Variants in SYN2 observed in about 807,000 individuals in gnomAD.
The protein encoded by SYN2 is synapsin II.
SYN2 carries 19 observed loss-of-function variants against 50.9 expected under a neutral mutation model. That is an observed-to-expected ratio of 0.37 (90% CI 0.26 to 0.55). The LOEUF (loss-of-function observed/expected upper bound fraction) is 0.55. Among genes scored for constraint, SYN2 ranks in the 20% least tolerant of loss-of-function variants. The probability of loss-of-function intolerance (pLI) is 0.81; values close to 1 mark genes in which losing one functional copy is unlikely to be tolerated. For missense variants in SYN2, 587 were observed against 576.4 expected (o/e 1.02, Z -0.19); for synonymous variants, 255 against 224.9 (o/e 1.13, Z -1.20).
At chr3:12,060,273 G>GA (rs1169388419) in intron 1 of SYN2, among the ~76,000 whole-genome samples, 1 of 152,114 alleles carries the variant, frequency 6.6e-6, no homozygotes, top group African/African-American at 2.4e-5. Flanking sequence ...GTAGAGCCAA[G>GA]AAAAATCTCA....
At chr3:12,185,733 G>A (rs563579681) in intron 11 of SYN2, 5 of 985,856 alleles carry the variant, frequency 5.1e-6, no homozygotes, top group Admixed American at 6.1e-5. Context: ...TCTGTCTTCA[G>A]TGTTAAGTTG....
intron 1 of SYN2, among the ~76,000 whole-genome samples, chr3:12,125,135 C>T (rs1426354141): frequency 6.6e-6 from 1 of 152,090 alleles, no homozygotes; most frequent in African/African-American, 2.4e-5. Context: ...CTGCCTCAGC[C>T]TCCCAAGTAG....
intron 1 of SYN2, among the ~76,000 whole-genome samples, chr3:12,114,529 AT>A (rs1485129160): frequency 6.6e-6 from 1 of 151,220 alleles, no homozygotes; most frequent in Admixed American, 6.6e-5. Flanking sequence ...GATCATGAAG[AT>A]TTATCTCTAT....
At chr3:12,151,695 T>C (rs1241497798) in intron 5 of SYN2, among the ~76,000 whole-genome samples, 1 of 152,204 alleles carries the variant, frequency 6.6e-6, no homozygotes, top group Admixed American at 6.5e-5. Flanking sequence ...AGTGGGCATA[T>C]TTATCCCTGC....
intron 4 of SYN2, among the ~76,000 whole-genome samples, chr3:12,149,863 T>TG (rs1312160614): frequency 3.9e-5 from 6 of 152,270 alleles, no homozygotes; most frequent in African/African-American, 1.4e-4. Context: ...TAGCAGAGTT[T>TG]GGGAGGAAAT....
chr3:12,136,132 G>A (rs1206327390), intron 1 of SYN2, among the ~76,000 whole-genome samples: 1 of 152,108 alleles, frequency 6.6e-6, no homozygotes, highest in Non-Finnish European at 1.5e-5. Context: ...GACAATAAAT[G>A]TGATGAAAGT....
chr3:12,169,427 C>T (rs1697884316), intron 9 of SYN2, among the ~76,000 whole-genome samples: 1 of 152,198 alleles, frequency 6.6e-6, no homozygotes, highest in Non-Finnish European at 1.5e-5. Context: ...TTCACATCTA[C>T]GTGCTCCCCT....
At chr3:12,189,111 G>A (rs1698399991) in intron 12 of SYN2, among the ~76,000 whole-genome samples, 1 of 152,192 alleles carries the variant, frequency 6.6e-6, no homozygotes, top group African/African-American at 2.4e-5. Context: ...TCTGTAGAAG[G>A]GAGTTTCTCC....
chr3:12,060,456 G>GGGAAGGGGAAAGAAACT (rs1158259862), intron 1 of SYN2, among the ~76,000 whole-genome samples: 4 of 152,106 alleles, frequency 2.6e-5, no homozygotes, highest in Non-Finnish European at 5.9e-5. Context: ...TCACCTAAGG[G>GGGAAGGGGAAAGAAACT]GGAAGGGGAA....
chr3:12,118,057 G>A (rs377070514), intron 1 of SYN2, among the ~76,000 whole-genome samples: 2 of 152,166 alleles, frequency 1.3e-5, no homozygotes, highest in East Asian at 1.9e-4. Context: ...TGTGCAGTGC[G>A]AAGTAGCATG....
At chr3:12,025,084 G>A (rs977687676) in intron 1 of SYN2, among the ~76,000 whole-genome samples, 1 of 152,156 alleles carries the variant, frequency 6.6e-6, no homozygotes, top group Non-Finnish European at 1.5e-5. Context: ...CTTGTAGACG[G>A]CACCTTCTTG....
At chr3:12,120,988 A>G (rs1403059070) in intron 1 of SYN2, among the ~76,000 whole-genome samples, 1 of 152,172 alleles carries the variant, frequency 6.6e-6, no homozygotes, top group African/African-American at 2.4e-5. Context: ...TTTTAGTCTC[A>G]TCGGCCATCA....
intron 5 of SYN2, chr3:12,156,829 G>C (rs761886594): frequency 1.9e-6 from 3 of 1,613,810 alleles, no homozygotes; most frequent in Non-Finnish European, 2.5e-6. Flanking sequence ...CCAGTCAAGA[G>C]ATACTGCTTC....
At chr3:12,013,314 T>C (rs1443513198) in intron 1 of SYN2, among the ~76,000 whole-genome samples, 1 of 152,172 alleles carries the variant, frequency 6.6e-6, no homozygotes, top group Non-Finnish European at 1.5e-5. Flanking sequence ...CTTTTCACTC[T>C]TCTTGTTCTT....
rs757585593 is a variant in SYN2 at position 12,004,529 on chromosome 3, G to A, written c.-23G>A. 1 of 587,246 alleles carries A rather than the reference G, an allele frequency of 1.7e-6. No individual in the cohort carries two copies. The highest frequency in any genetic ancestry group is 3.2e-6 in the Non-Finnish European group (1 of 316,098). The allele number at this position is 587,246 out of a possible 1,614,324, so 36.4% of individuals were successfully genotyped here. On this transcript the variant is annotated 5_prime_UTR_variant, in exon 1 of 13. Coordinates refer to ENST00000621198, the MANE Select transcript of SYN2 (RefSeq NM_133625.6). ...GCGCCACCAGACCCCGTAGCCCCGC[G>A]CGCCCCCAGCCCTTTAAGCCAGATG...
At chr3:12,022,188 T>G (rs996509429) in intron 1 of SYN2, among the ~76,000 whole-genome samples, 1 of 152,154 alleles carries the variant, frequency 6.6e-6, no homozygotes, top group African/African-American at 2.4e-5. Context: ...AGGCCATGCT[T>G]TATTCTTTGC....
rs377214691 is a variant in SYN2 at position 12,145,671 on chromosome 3, C to T, written c.528-8C>T. 5.0e-6 allele frequency: 8 copies of T among 1,613,174 alleles called. No homozygotes were observed. The highest frequency in any genetic ancestry group is 6.8e-6 in the Non-Finnish European group (8 of 1,179,362). The stretch of plus-strand genomic sequence containing the variant: ...TTAATGGCAAACCTGCCTCTACCTT[C>T]TCACCAGGTCCTTCCGGCCAGACTT... On this transcript the variant is annotated splice_region_variant and splice_polypyrimidine_tract_variant and intron_variant, in intron 3 of 12. Coordinates refer to ENST00000621198, the MANE Select transcript of SYN2 (RefSeq NM_133625.6).
intron 1 of SYN2, among the ~76,000 whole-genome samples, chr3:12,076,296 A>G (rs994938922): frequency 6.6e-6 from 1 of 152,078 alleles, no homozygotes; most frequent in Non-Finnish European, 1.5e-5. Flanking sequence ...GTGATTTCAG[A>G]TACTCTGCTT....
At chr3:12,180,031 A>G (rs937924441) in intron 10 of SYN2, among the ~76,000 whole-genome samples, 3 of 152,112 alleles carry the variant, frequency 2.0e-5, no homozygotes, top group Non-Finnish European at 4.4e-5. Flanking sequence ...TCACTGCAGC[A>G]TCCACCTCCC....
Sources: gnomAD v4.1 joint callset for allele counts (sites outside exome capture counted in the v4.1 genomes callset) on GRCh38, gnomAD v4.1.1 for gene constraint, MANE v1.5 for transcripts, NCBI Gene and HGNC (gene_info 2026-07-23, HGNC 2026-07-21) for gene names.